TRDN: variants seen among roughly 807,000 people sequenced by gnomAD.
TRDN encodes triadin.
Under a neutral mutation model 149.7 loss-of-function variants are expected in TRDN, and 161 were observed. The observed-to-expected ratio is 1.08, with a 90% CI of 0.95 to 1.23. The LOEUF is 1.23. Among genes scored for constraint, TRDN ranks in the 50% most tolerant of loss-of-function variants. The pLI is 0.00. For synonymous variants in TRDN, 294 were observed against 250.5 expected (o/e 1.17, Z -1.64); for missense variants, 896 against 823.5 (o/e 1.09, Z -1.08).
At chr6:123,539,974 C>T (rs1171258193) in intron 4 of TRDN, among the ~76,000 whole-genome samples, 4 of 152,070 alleles carry the variant, frequency 2.6e-5, no homozygotes, top group Non-Finnish European at 2.9e-5. Flanking sequence ...TTTAGCAAAT[C>T]GGAGATGGGA....
intron 7 of TRDN, among the ~76,000 whole-genome samples, chr6:123,508,225 G>C (rs1779017069): frequency 6.6e-6 from 1 of 152,070 alleles, no homozygotes; most frequent in Non-Finnish European, 1.5e-5. Flanking sequence ...AAAAATCTAA[G>C]TATCAAAAAG....
chr6:123,228,002 T>C (rs570915535), intron 38 of TRDN, among the ~76,000 whole-genome samples: 1 of 143,184 alleles, frequency 7.0e-6, no homozygotes, highest in South Asian at 2.3e-4. Flanking sequence ...ATAGTACACC[T>C]GCTATGTGCC....
chr6:123,242,246 T>G (rs914931471), intron 38 of TRDN, among the ~76,000 whole-genome samples: 2 of 152,180 alleles, frequency 1.3e-5, no homozygotes, highest in Non-Finnish European at 2.9e-5. Context: ...TTAGGATGTA[T>G]TTTTGCTTTT....
At chr6:123,435,506 C>G (rs929579075) in intron 12 of TRDN, among the ~76,000 whole-genome samples, 1 of 151,876 alleles carries the variant, frequency 6.6e-6, no homozygotes, top group Middle Eastern at 3.2e-3. Context: ...GTCTCTCTCT[C>G]TCTCTCTCTC....
Position 123,291,331 on chromosome 6 carries a change from G to A in TRDN, c.1511-12249C>T, listed in dbSNP as rs763106651. 7.2e-5 allele frequency among the ~76,000 whole-genome samples: 11 copies of A among 152,100 alleles called. No individual in the cohort carries two copies. The East Asian group carries it at 9.7e-4, about 13-fold the overall frequency. On this transcript the variant is annotated intron_variant, in intron 24 of 40. Transcript: ENST00000334268. ...TGTAAGCCCAGCACTTTGGAAGGCC[G>A]AGGCAGGTGGATCAGGAGGTCAGGT... is the stretch of plus-strand genomic sequence containing the variant.
intron 4 of TRDN, among the ~76,000 whole-genome samples, chr6:123,535,943 T>C (rs1780506668): frequency 6.6e-6 from 1 of 152,088 alleles, no homozygotes; most frequent in African/African-American, 2.4e-5. Context: ...ATCTCTGACA[T>C]CCATTAAAAT....
chr6:123,624,264 C>T (rs970732453), intron 1 of TRDN, among the ~76,000 whole-genome samples: 1 of 152,044 alleles, frequency 6.6e-6, no homozygotes, highest in East Asian at 1.9e-4. Context: ...GTATTGAGAG[C>T]TCACGTCCCT....
chr6:123,239,841 A>G (rs537774098), intron 38 of TRDN, among the ~76,000 whole-genome samples: 1 of 152,208 alleles, frequency 6.6e-6, no homozygotes, highest in Non-Finnish European at 1.5e-5. Flanking sequence ...TGATATTTAT[A>G]AAGGAAACAG....
chr6:123,491,807 A>G (rs1320799132), intron 9 of TRDN, among the ~76,000 whole-genome samples: 1 of 152,204 alleles, frequency 6.6e-6, no homozygotes, highest in African/African-American at 2.4e-5. Flanking sequence ...TAGAGTGAAT[A>G]TGTTTTTATG....
intron 38 of TRDN, among the ~76,000 whole-genome samples, chr6:123,238,701 GAC>G (rs147999343): frequency 6.6e-4 from 100 of 152,104 alleles, no homozygotes; most frequent in African/African-American, 2.4e-3. Context: ...TTGTTTGATA[GAC>G]ACATATATAA....
At chr6:123,498,582 T>C (rs1368044177) in intron 8 of TRDN, 2 of 471,016 alleles carry the variant, frequency 4.2e-6, no homozygotes, top group Non-Finnish European at 4.4e-6. Flanking sequence ...ATTCCATGCA[T>C]TGATTTGCCC....
In TRDN at chr6:123,259,387, A is replaced by G. The variant is rs188479811; in HGVS notation, c.1870+237T>C. Among the ~76,000 whole-genome samples the G allele has an allele frequency of 1.4e-4, 21 of 152,278 alleles. 1 individual carries two copies. Among genetic ancestry groups the G allele is most frequent in the Admixed American group, 7.2e-4 (11 of 15,256 alleles). Reference sequence around the variant, plus strand: ...TCTGTAGTTTTAATTTAGTAGTAACAGGTAGAGTCTGCTTTCAGTTCTAAA... The same window carrying G: ...TCTGTAGTTTTAATTTAGTAGTAACGGGTAGAGTCTGCTTTCAGTTCTAAA... On this transcript the variant is annotated intron_variant, in intron 35 of 40. Transcript: ENST00000334268.
At chr6:123,511,841 C>T (rs537439351) in intron 7 of TRDN, among the ~76,000 whole-genome samples, 2 of 152,252 alleles carry the variant, frequency 1.3e-5, no homozygotes, top group South Asian at 2.1e-4. Context: ...GTTTTCAAGA[C>T]AGCCAATGGG....
intron 9 of TRDN, among the ~76,000 whole-genome samples, chr6:123,493,277 T>C (rs1778300390): frequency 6.6e-6 from 1 of 152,158 alleles, no homozygotes; most frequent in Non-Finnish European, 1.5e-5. Context: ...TGAGCAGATC[T>C]TTATAATTTA....
chr6:123,599,045 A>T (rs1186186999), intron 1 of TRDN, among the ~76,000 whole-genome samples: 1 of 152,090 alleles, frequency 6.6e-6, no homozygotes, highest in Admixed American at 6.6e-5. Context: ...ACCTCATAGG[A>T]TGATCATAAA....
chr6:123,383,015 A>G (rs148627247), intron 14 of TRDN, among the ~76,000 whole-genome samples: 1 of 152,218 alleles, frequency 6.6e-6, no homozygotes, highest in East Asian at 1.9e-4. Context: ...ATAATAATGA[A>G]CTATGAATTG....
intron 2 of TRDN, among the ~76,000 whole-genome samples, chr6:123,550,178 A>C (rs1257761868): frequency 6.6e-5 from 10 of 152,050 alleles, no homozygotes; most frequent in Admixed American, 6.6e-5. Context: ...TGAGATCACC[A>C]AGGAAGTTGA....
intron 1 of TRDN, among the ~76,000 whole-genome samples, chr6:123,579,099 A>G (rs1462378282): frequency 6.6e-6 from 1 of 152,170 alleles, no homozygotes; most frequent in Non-Finnish European, 1.5e-5. Context: ...CTGCAAATAG[A>G]AATAGTTTGA....
intron 37 of TRDN, 113 bp downstream of exon 37, chr6:123,254,968 A>G (rs1362470041): frequency 1.5e-6 from 1 of 659,616 alleles, no homozygotes; most frequent in Non-Finnish European, 2.7e-6. Flanking sequence ...CTATTAAGAG[A>G]AGTTTGCATC....
Sources: gnomAD v4.1 joint callset for allele counts (sites outside exome capture counted in the v4.1 genomes callset) on GRCh38, gnomAD v4.1.1 for gene constraint, MANE v1.5 for transcripts, NCBI Gene and HGNC (gene_info 2026-07-23, HGNC 2026-07-21) for gene names.